Variants in WDR20 observed in about 807,000 individuals in gnomAD.
The protein encoded by WDR20 is WD repeat domain 20, also known as WD repeat-containing protein 20.
A neutral mutation model predicts 38.7 loss-of-function variants in WDR20; 3 were observed. The observed-to-expected ratio is 0.08, with a 90% CI of 0.04 to 0.20. The LOEUF (loss-of-function observed/expected upper bound fraction) is 0.20. Ranked by LOEUF, WDR20 falls within the 10% of genes least tolerant of loss-of-function variation. The pLI is 1.00. For missense variants in WDR20, 559 were observed against 727.7 expected, an observed-to-expected ratio of 0.77 and a Z score of 2.67; for synonymous variants, 298 against 285.6, an observed-to-expected ratio of 1.04 and a Z score of -0.44.
intron 1 of WDR20, among the ~76,000 whole-genome samples, chr14:102,184,778 T>G (rs1048029872): frequency 1.3e-5 from 2 of 152,218 alleles, no homozygotes; most frequent in Admixed American, 6.5e-5. Context: ...GACGTTTGAC[T>G]TATTGTCTTG....
At chr14:102,150,811 G>C (rs1013327362) in intron 1 of WDR20, among the ~76,000 whole-genome samples, 2 of 152,190 alleles carry the variant, frequency 1.3e-5, no homozygotes, top group Admixed American at 1.3e-4. Context: ...ACCAAGGACG[G>C]ACATGATATT....
intron 2 of WDR20, among the ~76,000 whole-genome samples, chr14:102,205,204 T>C (rs1180796678): frequency 6.6e-6 from 1 of 150,906 alleles, no homozygotes; most frequent in African/African-American, 2.4e-5. Context: ...AAGGCTGCAG[T>C]GAGCCGTGAT....
At chr14:102,205,177 C>G (rs1482643720) in intron 2 of WDR20, among the ~76,000 whole-genome samples, 1 of 151,980 alleles carries the variant, frequency 6.6e-6, no homozygotes, top group Non-Finnish European at 1.5e-5. Context: ...GGGAGGATTG[C>G]TTCGGCCTGG....
intron 2 of WDR20, 83 bp downstream of exon 2, chr14:102,195,203 A>G: frequency 1.4e-6 from 2 of 1,481,366 alleles, no homozygotes; most frequent in Non-Finnish European, 1.8e-6. Context: ...CTTATTTTGC[A>G]CTTCAAGCTA....
In WDR20 at chr14:102,208,555, C is replaced by T. The variant is rs2061980256; in HGVS notation, c.433-48C>T. On this transcript the variant is annotated intron_variant, in intron 2 of 2. Coordinates refer to ENST00000342702, the MANE Select transcript of WDR20 (RefSeq NM_144574.4). The surrounding 1 kb of genome is among the most constrained non-coding windows in gnomAD (Gnocchi z 5.6). ...AAGTTTTCTTGCTGGAAAAGTAGAC[C>T]TTTGAGACTTCTCCGTTGTGCTAAC... 1.3e-6 allele frequency: 2 copies of T among 1,538,292 alleles called. No homozygotes were observed. The highest frequency in any genetic ancestry group is 2.7e-5 in the African/African-American group (2 of 72,784).
At chr14:102,183,074 A>T (rs190674065) in intron 1 of WDR20, among the ~76,000 whole-genome samples, 2,587 of 152,250 alleles carry the variant, frequency 0.017, 49 homozygotes, top group South Asian at 0.096. Context: ...GAGAGAGAAA[A>T]AAAAAGAAAG....
downstream of WDR20, chr14:102,212,790 C>T (rs911699328): frequency 4.0e-5 from 53 of 1,335,690 alleles, no homozygotes; most frequent in Middle Eastern, 2.8e-4. Flanking sequence ...GTAGTTTTCT[C>T]GCCAAACTTT....
chr14:102,195,174 C>G (rs775975313), intron 2 of WDR20, 54 bp downstream of exon 2: 20 of 1,578,436 alleles, frequency 1.3e-5, no homozygotes, highest in African/African-American at 4.1e-5. Flanking sequence ...TTGATACATT[C>G]TTACCGAGGG....
intron 1 of WDR20, among the ~76,000 whole-genome samples, chr14:102,168,869 G>C (rs1228058955): frequency 6.6e-6 from 1 of 152,128 alleles, no homozygotes; most frequent in Non-Finnish European, 1.5e-5. Flanking sequence ...TTATTACAGA[G>C]GTCTCCAACT....
chr14:102,200,467 T>TTTTTTTTG (rs748066838), intron 2 of WDR20, among the ~76,000 whole-genome samples: 4 of 117,772 alleles, frequency 3.4e-5, no homozygotes, highest in South Asian at 3.2e-4. Flanking sequence ...ATTTTTTTTT[T>TTTTTTTTG]TGTGTGTGTG....
chr14:102,213,376 G>A (rs1314584387), downstream of WDR20: 2 of 985,348 alleles, frequency 2.0e-6, no homozygotes, highest in Admixed American at 1.2e-4. Flanking sequence ...TTAAATCATG[G>A]TAAAGGATCT....
chr14:102,165,400 A>G (rs1264050545), intron 1 of WDR20, among the ~76,000 whole-genome samples: 1 of 151,724 alleles, frequency 6.6e-6, no homozygotes, highest in Non-Finnish European at 1.5e-5. Context: ...CTGTTTTGTG[A>G]ATGTCATCTT....
At chr14:102,141,354 A>C (rs1056772279) in intron 1 of WDR20, among the ~76,000 whole-genome samples, 3 of 152,244 alleles carry the variant, frequency 2.0e-5, no homozygotes, top group African/African-American at 7.2e-5. Context: ...TAGGGAAATG[A>C]CAGTGGTATC....
downstream of WDR20, among the ~76,000 whole-genome samples, chr14:102,218,908 G>T (rs894226669): frequency 2.0e-5 from 3 of 152,256 alleles, no homozygotes; most frequent in Admixed American, 1.3e-4. Flanking sequence ...TGAAGCGTGG[G>T]CGGGCTCCCC....
chr14:102,214,967 A>G (rs1367820869), downstream of WDR20: 1 of 985,146 alleles, frequency 1.0e-6, no homozygotes, highest in Non-Finnish European at 1.2e-6. Flanking sequence ...TGTCCTCTGT[A>G]TACTGACATT....
intron 1 of WDR20, among the ~76,000 whole-genome samples, chr14:102,164,229 C>G (rs560674732): frequency 2.1e-4 from 32 of 152,304 alleles, no homozygotes; most frequent in African/African-American, 7.7e-4. Context: ...CTCTCTTCCT[C>G]ATGGCCATAT....
chr14:102,183,010 G>C (rs1157257798), intron 1 of WDR20, among the ~76,000 whole-genome samples: 3 of 152,074 alleles, frequency 2.0e-5, no homozygotes, highest in Admixed American at 2.0e-4. Flanking sequence ...GTTGCAGGGA[G>C]CCGAGATTGC....
At chr14:102,146,195 G>T (rs969954359) in intron 1 of WDR20, among the ~76,000 whole-genome samples, 1 of 151,990 alleles carries the variant, frequency 6.6e-6, no homozygotes, top group Non-Finnish European at 1.5e-5. Flanking sequence ...ACGAAGTCTT[G>T]CTCTGTCGCC....
At chr14:102,223,365 C>T (rs1034615932) in exon 4 of WDR20, 11 of 152,602 alleles carry the variant, frequency 7.2e-5, no homozygotes, top group African/African-American at 2.2e-4. Flanking sequence ...GGAAGACAGA[C>T]GCTGCAATCA....
Sources: allele counts gnomAD v4.1 joint callset (sites outside exome capture counted in the v4.1 genomes callset), GRCh38; gene constraint gnomAD v4.1.1; non-coding constraint Gnocchi (gnomAD v3.1); transcripts MANE v1.5; gene names NCBI Gene and HGNC (gene_info 2026-07-23, HGNC 2026-07-21).